Variants in ZNF358 observed in about 807,000 individuals in gnomAD.
ZNF358 encodes the protein zinc finger protein 358.
In ZNF358, 1 loss-of-function variant was observed where a neutral mutation model predicts 2.1. The observed-to-expected ratio is 0.49, with a 90% CI of 0.17 to 2.30. The LOEUF is 2.30. Ranked by LOEUF, ZNF358 falls within the 30% of genes most tolerant of loss-of-function variation. ZNF358 has a pLI of 0.26. For synonymous variants in ZNF358, 381 were observed against 359.7 expected (o/e 1.06, Z -0.67); for missense variants, 665 against 806.8 (o/e 0.82, Z 2.13).
In ZNF358 at chr19:7,519,954, C is replaced by T; in HGVS notation, c.712C>T (p.Pro238Ser). The change falls in exon 2 of 2, where the codon CCG (proline) becomes TCG (serine). Residue 238 changes from proline to serine, a missense_variant. Physicochemically the swap from Pro to Ser is moderately conservative, Grantham distance 74. This residue lies in a region of ZNF358 where 210 missense variants were observed against 350.8 expected (regional missense o/e 0.60). Coordinates refer to ENST00000597229, the MANE Select transcript of ZNF358 (RefSeq NM_018083.5). ...SHSGEKPHHCPVCGKAFGHGS... is the reference protein window; with the variant it reads ...SHSGEKPHHCSVCGKAFGHGS... The stretch of plus-strand genomic sequence containing the variant: ...CAGCGGGGAGAAGCCGCACCACTGC[C>T]CGGTGTGTGGCAAGGCCTTCGGGCA... 6.6e-7 allele frequency: 1 copy of T among 1,522,436 alleles called. No homozygotes were observed. Among genetic ancestry groups the T allele is most frequent in the Admixed American group, 2.0e-5 (1 of 49,584 alleles). 94.3% of individuals were successfully genotyped at this position (1,522,436 alleles called of 1,614,324 possible).
intron 1 of ZNF358, among the ~76,000 whole-genome samples, chr19:7,517,254 G>A (rs1464272685): frequency 6.6e-6 from 1 of 152,074 alleles, no homozygotes; most frequent in African/African-American, 2.4e-5. Context: ...TGGCAATTCA[G>A]TTCAGGATCC....
chr19:7,516,162 G>C lies in ZNF358; in HGVS notation c.-126G>C, dbSNP rs2022334973. 6.9e-6 allele frequency: 1 copy of C among 145,658 alleles called. No individual in the cohort carries two copies. The highest frequency in any genetic ancestry group is 2.0e-4 in the South Asian group (1 of 5,040). The allele number at this position is 145,658 out of a possible 1,614,324, so 9.0% of individuals were successfully genotyped here. On this transcript the variant is annotated 5_prime_UTR_variant, in exon 1 of 2. Coordinates refer to ENST00000597229, the MANE Select transcript of ZNF358 (RefSeq NM_018083.5). This position sits in a 1 kb window ranked among gnomAD's most constrained non-coding sequence, Gnocchi z 5.9. ...CTGGGCCGAGGGGGCCGCCGGCGGG[G>C]CTGGCGGGCGGGGGGCTTCCTGCGG... is the stretch of plus-strand genomic sequence containing the variant.
chr19:7,520,176 A>G lies in ZNF358; in HGVS notation c.934A>G (p.Thr312Ala), dbSNP rs747761525. 3 of 1,601,212 alleles carry G rather than the reference A, an allele frequency of 1.9e-6. No individual in the cohort carries two copies. Among genetic ancestry groups the G allele is most frequent in the Non-Finnish European group, 2.5e-6 (3 of 1,178,824 alleles). ...CTCGGCGCTGCTGCAGCACCAGCGC[A>G]CACACACGGCCGAGCGCCCCTACCG... ...QSSALLQHQRTHTAERPYRCP... is the reference protein window; with the variant it reads ...QSSALLQHQRAHTAERPYRCP... The change falls in exon 2 of 2, where the codon ACA becomes GCA. Residue 312 changes from threonine to alanine, a missense_variant. Coordinates refer to ENST00000597229, the MANE Select transcript of ZNF358 (RefSeq NM_018083.5). This position sits in a 1 kb window ranked among gnomAD's most constrained non-coding sequence, Gnocchi z 6.0.
At position 7,520,724 on chromosome 19, in the gene ZNF358, T is replaced by G; in HGVS notation, c.1482T>G (p.Ser494=). ...CCAGCCCTACTCCTGTGGAATCTTC[T>G]GACCCAAAGGCTGGGCACGACGCTG... The part of the protein sequence containing the change: ...STPSPTPVES[S]DPKAGHDAGP... The change falls in exon 2 of 2, where the codon TCT becomes TCG. Residue 494 remains serine, a synonymous_variant. Transcript: ENST00000597229. This position sits in a 1 kb window ranked among gnomAD's most constrained non-coding sequence, Gnocchi z 6.0. The G allele has an allele frequency of 6.2e-7, 1 of 1,613,894 alleles. No homozygotes were observed. Among genetic ancestry groups the G allele is most frequent in the Non-Finnish European group, 8.5e-7 (1 of 1,179,984 alleles).
In ZNF358 at chr19:7,520,779, G is replaced by A. The variant is rs372064298; in HGVS notation, c.1537G>A (p.Asp513Asn). 8 of 1,611,366 alleles carry A rather than the reference G, an allele frequency of 5.0e-6. No individual in the cohort carries two copies. The Middle Eastern group carries it at 4.9e-4, about 99-fold the overall frequency. The change falls in exon 2 of 2, where the codon GAT becomes AAT. Residue 513 changes from aspartate (D) to asparagine (N), a missense_variant. Coordinates refer to ENST00000597229, the MANE Select transcript of ZNF358 (RefSeq NM_018083.5). This position sits in a 1 kb window ranked among gnomAD's most constrained non-coding sequence, Gnocchi z 6.0. The stretch of plus-strand genomic sequence containing the variant: ...CGACCTTGTGCCCAGCCCAGACCTT[G>A]ATCCTGTGCCCAGCCCAGACCCTGA... ...GPDLVPSPDL[D>N]PVPSPDPDPV... is the part of the protein sequence containing the mutation.
intron 1 of ZNF358, 141 bp from the exon 2 acceptor site, chr19:7,519,064 C>CA (rs397859220): frequency 0.088 from 49,903 of 569,418 alleles, 440 homozygotes; most frequent in Non-Finnish European, 0.094. Flanking sequence ...GACCCCATCT[C>CA]AAAAAAAAAA....
At position 7,520,441 on chromosome 19, in the gene ZNF358, C is replaced by A; in HGVS notation, c.1199C>A (p.Ala400Glu). ...LTKHKRVHEG[A>E]AAAAAAAAAA... is the part of the protein sequence containing the mutation. Reference sequence around the variant, plus strand: ...AAGCACAAACGGGTGCATGAGGGTGCAGCCGCTGCTGCAGCTGCCGCGGCC... The same window carrying A: ...AAGCACAAACGGGTGCATGAGGGTGAAGCCGCTGCTGCAGCTGCCGCGGCC... Residue 400 changes from alanine (A) to glutamate (E), a missense_variant, in exon 2 of 2, where the codon GCA becomes GAA. Around this residue, in one of 3 missense-constraint regions of ZNF358, gnomAD observed 249 missense variants for 227.6 expected, o/e 1.09. Coordinates refer to ENST00000597229, the MANE Select transcript of ZNF358 (RefSeq NM_018083.5). The surrounding 1 kb of genome is among the most constrained non-coding windows in gnomAD (Gnocchi z 6.0). 2.5e-6 allele frequency: 4 copies of A among 1,579,622 alleles called. No homozygotes were observed. Among genetic ancestry groups the A allele is most frequent in the Non-Finnish European group, 3.4e-6 (4 of 1,168,044 alleles).
Position 7,516,211 on chromosome 19 carries a change from C to CG in ZNF358, c.-76dup, listed in dbSNP as rs1412353497. The CG allele has an allele frequency of 4.6e-5, 6 of 129,200 alleles. No homozygotes were observed. The highest frequency in any genetic ancestry group is 1.7e-4 in the African/African-American group (6 of 35,140). The allele number at this position is 129,200 out of a possible 1,614,324, so 8.0% of individuals were successfully genotyped here. On this transcript the variant is annotated 5_prime_UTR_variant, in exon 1 of 2. Coordinates refer to ENST00000597229, the MANE Select transcript of ZNF358 (RefSeq NM_018083.5). The surrounding 1 kb of genome is among the most constrained non-coding windows in gnomAD (Gnocchi z 5.9). Reference sequence around the variant, plus strand: ...GGGCCCGGGGGGAGCCGGCGGCCGGCGCGGGCGCGGCGGGCCGGGCAGGGG... The same window carrying CG: ...GGGCCCGGGGGGAGCCGGCGGCCGGCGGCGGGCGCGGCGGGCCGGGCAGGGG...
At chr19:7,517,869 T>G (rs757491412) in intron 1 of ZNF358, among the ~76,000 whole-genome samples, 7 of 152,222 alleles carry the variant, frequency 4.6e-5, no homozygotes, top group Non-Finnish European at 1.0e-4. Flanking sequence ...TTCCATATTC[T>G]TATCCCCCAG....
At chr19:7,518,311 C>A (rs553500018) in intron 1 of ZNF358, among the ~76,000 whole-genome samples, 23 of 152,138 alleles carry the variant, frequency 1.5e-4, no homozygotes, top group African/African-American at 5.3e-4. Context: ...CGTGTATGCT[C>A]AGAAGTGAGT....
chr19:7,519,670 C>G lies in ZNF358; in HGVS notation c.428C>G (p.Ala143Gly). 1.3e-6 allele frequency: 2 copies of G among 1,574,526 alleles called. No individual in the cohort carries two copies. Among genetic ancestry groups the G allele is most frequent in the African/African-American group, 1.3e-5 (1 of 74,446 alleles). The change falls in exon 2 of 2, where the codon GCC becomes GGC. Residue 143 changes from alanine (A) to glycine (G), a missense_variant. Physicochemically the swap from Ala to Gly is moderately conservative, Grantham distance 60 (BLOSUM62 0). This residue lies in a region of ZNF358 where 206 missense variants were observed against 228.4 expected (regional missense o/e 0.90). Transcript: ENST00000597229. ...GCCACCAGCCCCGCGGTGCTCCCCG[C>G]CCCCGCCAGCCCGCCCCGGCCCTTC... is the stretch of plus-strand genomic sequence containing the variant. ...VLATSPAVLP[A>G]PASPPRPFSC...
intron 1 of ZNF358, among the ~76,000 whole-genome samples, chr19:7,517,882 A>G (rs1395770276): frequency 6.6e-6 from 1 of 152,160 alleles, no homozygotes; most frequent in Non-Finnish European, 1.5e-5. Context: ...TCCCCCAGAC[A>G]TGGGTTCTAG....
At position 7,520,065 on chromosome 19, in the gene ZNF358, G is replaced by T. The variant is rs773217692; in HGVS notation, c.823G>T (p.Gly275Cys). The change falls in exon 2 of 2, where the codon GGC becomes TGC. Residue 275 changes from glycine to cysteine, a missense_variant. Around this residue, in one of 3 missense-constraint regions of ZNF358, gnomAD observed 210 missense variants for 350.8 expected, o/e 0.60. Transcript: ENST00000597229. This position sits in a 1 kb window ranked among gnomAD's most constrained non-coding sequence, Gnocchi z 6.0. The part of the protein sequence containing the change: ...CPVCAKGFGQ[G>C]SALLKHLRTH... ...GGTGTGCGCCAAGGGCTTCGGCCAGGGCTCTGCGCTGCTCAAACACCTGCG... is the reference window on the plus strand; with the variant it reads ...GGTGTGCGCCAAGGGCTTCGGCCAGTGCTCTGCGCTGCTCAAACACCTGCG... The T allele has an allele frequency of 1.3e-6, 2 of 1,571,366 alleles. No individual in the cohort carries two copies. The highest frequency in any genetic ancestry group is 2.3e-5 in the South Asian group (2 of 88,584).
chr19:7,517,631 C>A (rs2022361537), intron 1 of ZNF358, among the ~76,000 whole-genome samples: 1 of 152,074 alleles, frequency 6.6e-6, no homozygotes, highest in Non-Finnish European at 1.5e-5. Context: ...GTTCATGAGT[C>A]TCCCTACCCA....
rs750765973 is a variant in ZNF358 at position 7,520,247 on chromosome 19, A to C, written c.1005A>C (p.Gln335His). 3 of 1,601,868 alleles carry C rather than the reference A, an allele frequency of 1.9e-6. No individual in the cohort carries two copies. The East Asian group carries it at 6.7e-5, about 36-fold the overall frequency. Residue 335 changes from glutamine (Q) to histidine (H), a missense_variant, in exon 2 of 2, where the codon CAA (glutamine) becomes CAC (histidine). By Grantham distance (24) the Gln-to-His change is conservative. Around this residue, in one of 3 missense-constraint regions of ZNF358, gnomAD observed 210 missense variants for 350.8 expected, o/e 0.60. Coordinates refer to ENST00000597229, the MANE Select transcript of ZNF358 (RefSeq NM_018083.5). The surrounding 1 kb of genome is among the most constrained non-coding windows in gnomAD (Gnocchi z 6.0). ...CCTTCGGGCAGAGCTCCAACTTGCAACACCACCTGCGCATCCACACGGGCG... is the reference window on the plus strand; with the variant it reads ...CCTTCGGGCAGAGCTCCAACTTGCACCACCACCTGCGCATCCACACGGGCG... ...GKAFGQSSNLQHHLRIHTGER... is the reference protein window; with the variant it reads ...GKAFGQSSNLHHHLRIHTGER...
At chr19:7,514,145 G>A (rs1237019207), upstream of ZNF358, 1 of 152,210 alleles carries the variant, frequency 6.6e-6, no homozygotes, top group Non-Finnish European at 1.5e-5. Context: ...GGCAGAATGA[G>A]CCCCCTGTGG....
rs766058647 is a variant in ZNF358 at position 7,520,778 on chromosome 19, T to C, written c.1536T>C (p.Leu512=). Reference sequence around the variant, plus strand: ...CCGACCTTGTGCCCAGCCCAGACCTTGATCCTGTGCCCAGCCCAGACCCTG... The same window carrying C: ...CCGACCTTGTGCCCAGCCCAGACCTCGATCCTGTGCCCAGCCCAGACCCTG... ...AGPDLVPSPD[L]DPVPSPDPDP... The change falls in exon 2 of 2, where the codon CTT becomes CTC. Residue 512 remains leucine (L), a synonymous_variant. Coordinates refer to ENST00000597229, the MANE Select transcript of ZNF358 (RefSeq NM_018083.5). This position sits in a 1 kb window ranked among gnomAD's most constrained non-coding sequence, Gnocchi z 6.0. 12 of 1,611,452 alleles carry C rather than the reference T, an allele frequency of 7.4e-6. No homozygotes were observed. In the Admixed American group the frequency reaches 2.0e-4, roughly 27 times the overall value.
chr19:7,518,750 C>A (rs991939472), intron 1 of ZNF358, among the ~76,000 whole-genome samples: 2 of 151,762 alleles, frequency 1.3e-5, no homozygotes, highest in Non-Finnish European at 2.9e-5. Flanking sequence ...CAGAGTGAGA[C>A]CCCATCTCAA....
At chr19:7,515,218 A>C (rs1430363060), upstream of ZNF358, 1 of 152,182 alleles carries the variant, frequency 6.6e-6, no homozygotes, top group Non-Finnish European at 1.5e-5. Flanking sequence ...GTTTATATTT[A>C]GTGGAGAACA....
Sources: allele counts gnomAD v4.1 joint callset (sites outside exome capture counted in the v4.1 genomes callset), GRCh38; gene constraint gnomAD v4.1.1; regional missense constraint gnomAD v4.1.1; non-coding constraint Gnocchi (gnomAD v3.1); transcripts MANE v1.5; gene names NCBI Gene and HGNC (gene_info 2026-07-23, HGNC 2026-07-21).